The following MDN1 variants were observed in gnomAD, a reference collection of about 807,000 sequenced individuals.
The protein encoded by MDN1 is midasin.
MDN1 carries 266 observed loss-of-function variants against 669.2 expected under a neutral mutation model. The observed-to-expected ratio is 0.40, with a 90% CI of 0.36 to 0.44. The LOEUF (loss-of-function observed/expected upper bound fraction) is 0.44, where lower values mean the gene tolerates loss of function less well. MDN1 is among the 20% of genes least tolerant of loss of function. The pLI is 1.00. For synonymous variants in MDN1, 2,385 were observed against 2,457.1 expected (o/e 0.97, Z 0.87); for missense variants, 5,940 against 6,754.0 (o/e 0.88, Z 4.22).
rs758685692 is a variant in MDN1 at position 89,701,528 on chromosome 6, C to A, written c.8427+30G>T. On this transcript the variant is annotated intron_variant, in intron 55 of 101. Coordinates refer to ENST00000369393, the MANE Select transcript of MDN1 (RefSeq NM_014611.3). ...GACTTCAGAAGTAGTAGTCACATTT[C>A]TTTTATTTACTAAATGCTTCCAGGT... 21 of 1,610,040 alleles carry A rather than the reference C, an allele frequency of 1.3e-5. No homozygotes were observed. In the African/African-American group the frequency reaches 1.5e-4, roughly 11 times the overall value.
chr6:89,677,956 A>G (rs1811330087), intron 75 of MDN1, among the ~76,000 whole-genome samples: 1 of 152,276 alleles, frequency 6.6e-6, no homozygotes, highest in South Asian at 2.1e-4. Flanking sequence ...CATATGGTAC[A>G]GCACGTGGTG....
chr6:89,756,693 C>T (rs1268975309), intron 19 of MDN1, among the ~76,000 whole-genome samples: 2 of 152,080 alleles, frequency 1.3e-5, no homozygotes, highest in African/African-American at 4.8e-5. Context: ...GAGGCCGAGG[C>T]CGGTGGATCA....
intron 16 of MDN1, 90 bp downstream of exon 16, chr6:89,762,229 T>A: frequency 9.2e-7 from 1 of 1,090,560 alleles, no homozygotes; most frequent in East Asian, 2.4e-5. Context: ...AAGCTCCAAT[T>A]TGTATCGCTT....
chr6:89,701,941 G>A lies in MDN1; in HGVS notation c.8269C>T (p.His2757Tyr), dbSNP rs773788202. 1.9e-5 allele frequency: 30 copies of A among 1,613,462 alleles called. 1 individual carries two copies. Among genetic ancestry groups the A allele is most frequent in the Middle Eastern group, 3.3e-4 (2 of 6,072 alleles). ...TTCATCAGAAGTCGGGGGATCTGGT[G>A]GACCAGATGTTTTAAAACCCAGTGC... The part of the protein sequence containing the change: ...HWHWVLKHLV[H>Y]QIPRLLMNYE... Residue 2757 changes from histidine to tyrosine, a missense_variant, in exon 54 of 102, where the codon CAC becomes TAC. By Grantham distance (83) the His-to-Tyr change is moderately conservative. Coordinates refer to ENST00000369393, the MANE Select transcript of MDN1 (RefSeq NM_014611.3).
intron 2 of MDN1, among the ~76,000 whole-genome samples, chr6:89,800,851 T>C (rs1183833755): frequency 6.6e-6 from 1 of 152,148 alleles, no homozygotes; most frequent in Non-Finnish European, 1.5e-5. Context: ...TAAACCCAGA[T>C]AGACAGTCTC....
At chr6:89,652,852 A>T in intron 94 of MDN1, 140 bp downstream of exon 94, 1 of 846,356 alleles carries the variant, frequency 1.2e-6, no homozygotes, top group Non-Finnish European at 1.8e-6. Context: ...ATTCCTAAAA[A>T]TTTTGAATAA....
chr6:89,648,090 G>A lies in MDN1; in HGVS notation c.16337C>T (p.Ser5446Phe). The A allele has an allele frequency of 6.2e-7, 1 of 1,614,194 alleles. No individual in the cohort carries two copies. The highest frequency in any genetic ancestry group is 8.5e-7 in the Non-Finnish European group (1 of 1,180,022). ...HPFHEQFSDY[S>F]GSQILRLCKF... Reference sequence around the variant, plus strand: ...GCAGAGACGTAGAATCTGGGACCCAGAGTAATCACTGAACTGCTCATGAAA... The same window carrying A: ...GCAGAGACGTAGAATCTGGGACCCAAAGTAATCACTGAACTGCTCATGAAA... The change falls in exon 99 of 102, where the codon TCT (serine) becomes TTT (phenylalanine). Residue 5446 changes from serine (S) to phenylalanine (F), a missense_variant. By Grantham distance (155) the Ser-to-Phe change is radical. This residue lies in a region of MDN1 where 2,280 missense variants were observed against 2,576.3 expected (regional missense o/e 0.88). Coordinates refer to ENST00000369393, the MANE Select transcript of MDN1 (RefSeq NM_014611.3).
intron 53 of MDN1, among the ~76,000 whole-genome samples, chr6:89,702,944 T>G (rs1206352395): frequency 6.6e-6 from 1 of 151,816 alleles, no homozygotes; most frequent in Non-Finnish European, 1.5e-5. Context: ...GGCCCTTTTT[T>G]TTTTTTTTTG....
chr6:89,803,358 T>C lies in MDN1; in HGVS notation c.299A>G (p.Lys100Arg). ...LHERLCVSMS[K>R]LIGNHPDVLP... ...GACATCAGGATGGTTACCAATGAGT[T>C]TGCTCATCGACACACATAGCCGTTC... The change falls in exon 2 of 102, where the codon AAA becomes AGA. Residue 100 changes from lysine (K) to arginine (R), a missense_variant. Lys to Arg is a conservative substitution (Grantham distance 26). Around this residue, in one of 5 missense-constraint regions of MDN1, gnomAD observed 1,203 missense variants for 1,268.9 expected, o/e 0.95. Coordinates refer to ENST00000369393, the MANE Select transcript of MDN1 (RefSeq NM_014611.3). The C allele has an allele frequency of 6.2e-7, 1 of 1,614,118 alleles. No individual in the cohort carries two copies. Among genetic ancestry groups the C allele is most frequent in the Non-Finnish European group, 8.5e-7 (1 of 1,180,006 alleles).
intron 10 of MDN1, among the ~76,000 whole-genome samples, chr6:89,780,928 C>T (rs1054167563): frequency 2.0e-5 from 3 of 151,542 alleles, no homozygotes; most frequent in African/African-American, 7.3e-5. Context: ...GGATTACAGG[C>T]GTGAGCCACC....
At chr6:89,701,426 C>A (rs1311506113) in intron 55 of MDN1, 132 bp downstream of exon 55, 1 of 1,222,992 alleles carries the variant, frequency 8.2e-7, no homozygotes, top group South Asian at 1.5e-5. Flanking sequence ...CCCCCAGATG[C>A]CAAAGGAAAA....
intron 2 of MDN1, among the ~76,000 whole-genome samples, chr6:89,795,724 C>T (rs1421676023): frequency 6.6e-6 from 1 of 152,016 alleles, no homozygotes; most frequent in African/African-American, 2.4e-5. Flanking sequence ...GAGGCTGAGG[C>T]GGGCAGATCA....
intron 1 of MDN1, among the ~76,000 whole-genome samples, chr6:89,813,966 C>T (rs796206047): frequency 6.6e-6 from 1 of 151,278 alleles, no homozygotes; most frequent in South Asian, 2.1e-4. Flanking sequence ...GGTGGCATGC[C>T]TATAGTTCCA....
At chr6:89,803,198 A>G in intron 2 of MDN1, 130 bp downstream of exon 2, 1 of 788,134 alleles carries the variant, frequency 1.3e-6, no homozygotes, top group Non-Finnish European at 2.1e-6. Context: ...CTTTTTATAA[A>G]ACAATACTAT....
rs1015941278 is a variant in MDN1, at chr6:89,666,533, A to G, written c.14094+1481T>C. On this transcript the variant is annotated intron_variant, in intron 84 of 101. Coordinates refer to ENST00000369393, the MANE Select transcript of MDN1 (RefSeq NM_014611.3). Reference sequence around the variant, plus strand: ...AATTTTATAGAGACAGTGTCTCCCTATGTTGCCCCGGCTGGTCTCAAACTT... The same window carrying G: ...AATTTTATAGAGACAGTGTCTCCCTGTGTTGCCCCGGCTGGTCTCAAACTT... Among the ~76,000 whole-genome samples the G allele has an allele frequency of 3.9e-5, 6 of 152,188 alleles. No individual in the cohort carries two copies. The South Asian group carries it at 8.3e-4, about 21-fold the overall frequency.
intron 23 of MDN1, 55 bp downstream of exon 23, chr6:89,751,376 C>T: frequency 6.2e-7 from 1 of 1,601,076 alleles, no homozygotes. Context: ...ACCAAAATGT[C>T]ATCAATGCCT....
intron 89 of MDN1, 98 bp from the exon 90 acceptor site, chr6:89,658,468 G>A: frequency 1.9e-6 from 3 of 1,558,268 alleles, no homozygotes; most frequent in East Asian, 2.2e-5. Flanking sequence ...CCTCACTAAG[G>A]GTCTTAAAAC....
chr6:89,658,344 A>G lies in MDN1; in HGVS notation c.15048T>C (p.Asp5016=). 6.2e-7 allele frequency: 1 copy of G among 1,614,172 alleles called. No individual in the cohort carries two copies. Among genetic ancestry groups the G allele is most frequent in the Non-Finnish European group, 8.5e-7 (1 of 1,180,030 alleles). The stretch of plus-strand genomic sequence containing the variant: ...AAGCCTCTGGCACCTGCTCCTCTGT[A>G]TCAGAGTCCTCCCGTTCTTCTTCCT... ...PQEEEEREDS[D]TEEQVPEALE... is the part of the protein sequence containing the mutation. Residue 5016 remains aspartate (D), a synonymous_variant, in exon 90 of 102, where the codon GAT becomes GAC. Transcript: ENST00000369393.
At chr6:89,789,400 C>T (rs1013672971) in intron 7 of MDN1, among the ~76,000 whole-genome samples, 14 of 152,186 alleles carry the variant, frequency 9.2e-5, no homozygotes, top group Non-Finnish European at 1.8e-4. Context: ...GTAGCTGCCA[C>T]CACTAAGAAG....
Sources: gnomAD v4.1 joint callset for allele counts (sites outside exome capture counted in the v4.1 genomes callset) on GRCh38, gnomAD v4.1.1 for gene constraint, gnomAD v4.1.1 regional missense constraint, MANE v1.5 for transcripts, NCBI Gene and HGNC (gene_info 2026-07-23, HGNC 2026-07-21) for gene names.